The following INSL6 variants were observed in gnomAD, a reference collection of about 807,000 sequenced individuals.
The protein encoded by INSL6 is insulin like 6.
INSL6 carries 16 observed loss-of-function variants against 9.4 expected under a neutral mutation model. That is an observed-to-expected ratio of 1.70 (90% CI 1.15 to 2.59). INSL6 has a LOEUF of 2.59. Among genes scored for constraint, INSL6 ranks in the 30% most tolerant of loss-of-function variants. INSL6 has a pLI of 0.00. For missense variants in INSL6, 391 were observed against 257.3 expected, an observed-to-expected ratio of 1.52 and a Z score of -3.56; for synonymous variants, 154 against 96.9, an observed-to-expected ratio of 1.59 and a Z score of -3.46.
At chr9:5,176,787 A>T (rs1041342510) in intron 1 of INSL6, among the ~76,000 whole-genome samples, 1 of 152,130 alleles carries the variant, frequency 6.6e-6, no homozygotes, top group African/African-American at 2.4e-5. Context: ...GTGATAAAAA[A>T]CCTATAGAAT....
At chr9:5,116,021 A>G in the INSL6 span, among the ~76,000 whole-genome samples, 1 of 152,086 alleles carries the variant, frequency 6.6e-6, no homozygotes, top group African/African-American at 2.4e-5. Context: ...ACAAACCTGC[A>G]CCTTCTGCAC....
chr9:5,016,099 TC>T, the INSL6 span, among the ~76,000 whole-genome samples: 997 of 152,282 alleles, frequency 6.5e-3, 8 homozygotes, highest in African/African-American at 0.022. Flanking sequence ...CTGCCAGCCG[TC>T]GCTTCCCTCC....
the INSL6 span, chr9:5,098,068 T>C: frequency 6.6e-6 from 1 of 152,234 alleles, no homozygotes; most frequent in African/African-American, 2.4e-5. Context: ...TAACAATTTT[T>C]ATAATCTGAG....
At chr9:5,103,699 G>C in the INSL6 span, among the ~76,000 whole-genome samples, 1 of 152,080 alleles carries the variant, frequency 6.6e-6, no homozygotes, top group Non-Finnish European at 1.5e-5. Flanking sequence ...TAAAAGAACA[G>C]ATATCACAAC....
At chr9:5,145,827 G>C (rs1025301388) in intron 2 of INSL6, among the ~76,000 whole-genome samples, 10 of 152,200 alleles carry the variant, frequency 6.6e-5, no homozygotes, top group South Asian at 2.1e-4. Flanking sequence ...TTCTAGACTG[G>C]CTATTTTGTC....
chr9:5,073,739 C>G, the INSL6 span: 3 of 1,612,502 alleles, frequency 1.9e-6, no homozygotes, highest in Non-Finnish European at 2.5e-6. Flanking sequence ...AGCTTTCTCA[C>G]AAGCATTTGG....
At chr9:5,051,367 AT>A in the INSL6 span, among the ~76,000 whole-genome samples, 1 of 152,178 alleles carries the variant, frequency 6.6e-6, no homozygotes, top group Admixed American at 6.5e-5. Flanking sequence ...AGTTGGCTAT[AT>A]AAATGACCTG....
chr9:4,992,004 G>T, the INSL6 span, among the ~76,000 whole-genome samples: 1 of 152,054 alleles, frequency 6.6e-6, no homozygotes, highest in Non-Finnish European at 1.5e-5. Context: ...TACTTTATTA[G>T]GCTCACAGAT....
the INSL6 span, chr9:5,069,251 T>G: frequency 7.3e-7 from 1 of 1,377,868 alleles, no homozygotes; most frequent in South Asian, 1.3e-5. Flanking sequence ...TGGTCATGGA[T>G]TGTTTATGTG....
chr9:5,183,518 C>G (rs907998008), intron 1 of INSL6, among the ~76,000 whole-genome samples: 4 of 152,178 alleles, frequency 2.6e-5, no homozygotes, highest in African/African-American at 7.2e-5. Context: ...CATTAACAAG[C>G]TGAGTTTTAA....
At chr9:5,115,514 G>A in the INSL6 span, among the ~76,000 whole-genome samples, 2 of 152,172 alleles carry the variant, frequency 1.3e-5, no homozygotes, top group African/African-American at 4.8e-5. Flanking sequence ...AATTCCTCCA[G>A]GATCCAGAGT....
rs181021112 is a variant in INSL6 at position 5,180,377 on chromosome 9, C to G, written c.289+4937G>C. 2.0e-5 allele frequency among the ~76,000 whole-genome samples: 3 copies of G among 152,300 alleles called. No individual in the cohort carries two copies. In the East Asian group the frequency reaches 5.8e-4, roughly 29 times the overall value. On this transcript the variant is annotated intron_variant, in intron 1 of 1. Coordinates refer to ENST00000381641, the MANE Select transcript of INSL6 (RefSeq NM_007179.3). ...GAACAAGGGAAGACAACTGTAAGGTCTGACTGCCTGCGGGGTTGGGCAAAA... is the reference window on the plus strand; with the variant it reads ...GAACAAGGGAAGACAACTGTAAGGTGTGACTGCCTGCGGGGTTGGGCAAAA...
At chr9:5,166,029 C>G (rs1017111111) in intron 1 of INSL6, among the ~76,000 whole-genome samples, 1 of 152,092 alleles carries the variant, frequency 6.6e-6, no homozygotes, top group African/African-American at 2.4e-5. Flanking sequence ...AAACATGAAT[C>G]GACCCAATCA....
At chr9:5,185,240 C>T (rs2130926284) in intron 1 of INSL6, 74 bp downstream of exon 1, 2 of 1,586,930 alleles carry the variant, frequency 1.3e-6, no homozygotes, top group Middle Eastern at 3.3e-4. Flanking sequence ...GGGAAGCTCA[C>T]CTTCTGGCAG....
At chr9:5,068,218 C>A in the INSL6 span, among the ~76,000 whole-genome samples, 1 of 149,964 alleles carries the variant, frequency 6.7e-6, no homozygotes, top group African/African-American at 2.5e-5. Flanking sequence ...ATAGGAAGAA[C>A]CTGATTGACC....
downstream of INSL6, among the ~76,000 whole-genome samples, chr9:5,123,405 G>A (rs756760324): frequency 2.0e-5 from 3 of 151,876 alleles, no homozygotes; most frequent in African/African-American, 7.2e-5. Flanking sequence ...TGAAAACGTG[G>A]TATTTGTCTT....
At chr9:5,099,344 G>C in the INSL6 span, 1 of 152,100 alleles carries the variant, frequency 6.6e-6, no homozygotes, top group African/African-American at 2.4e-5. Context: ...TCACTGTAAA[G>C]CTATTCAGCA....
At chr9:5,131,731 C>A (rs10974979) in intron 3 of INSL6, among the ~76,000 whole-genome samples, 36,914 of 151,990 alleles carry the variant, frequency 0.24, 4,936 homozygotes, top group South Asian at 0.3. Context: ...TGAGGCACTG[C>A]GCCCGGCCCA....
At chr9:5,083,161 TA>T in the INSL6 span, among the ~76,000 whole-genome samples, 2 of 152,154 alleles carry the variant, frequency 1.3e-5, no homozygotes, top group Non-Finnish European at 2.9e-5. Flanking sequence ...AAGGAATACA[TA>T]AGCTTTTCTG....
Sources: allele counts gnomAD v4.1 joint callset (sites outside exome capture counted in the v4.1 genomes callset), GRCh38; gene constraint gnomAD v4.1.1; transcripts MANE v1.5; gene names NCBI Gene and HGNC (gene_info 2026-07-23, HGNC 2026-07-21).